The following PTPRO variants were observed in gnomAD, a reference collection of about 807,000 sequenced individuals.
PTPRO encodes the protein protein tyrosine phosphatase receptor type O.
A neutral mutation model predicts 145.2 loss-of-function variants in PTPRO; 62 were observed. The observed-to-expected ratio is 0.43, with a 90% CI of 0.35 to 0.53. The LOEUF is 0.53. PTPRO is among the 20% of genes least tolerant of loss of function. The pLI is 0.01. For missense variants in PTPRO, 1,345 were observed against 1,482.7 expected, an observed-to-expected ratio of 0.91 and a Z score of 1.53; for synonymous variants, 565 against 514.7, an observed-to-expected ratio of 1.10 and a Z score of -1.32.
intron 1 of PTPRO, among the ~76,000 whole-genome samples, chr12:15,451,715 T>C (rs147716721): frequency 1.3e-5 from 2 of 152,248 alleles, no homozygotes; most frequent in East Asian, 1.9e-4. Flanking sequence ...TGCAAATACA[T>C]AGAAATTAAA....
chr12:15,395,407 A>G (rs1228012739), intron 1 of PTPRO, among the ~76,000 whole-genome samples: 1 of 152,098 alleles, frequency 6.6e-6, no homozygotes, highest in East Asian at 1.9e-4. Flanking sequence ...GGATGGTATT[A>G]ATATGTCTTA....
At chr12:15,363,124 GA>G (rs1298324752) in intron 1 of PTPRO, among the ~76,000 whole-genome samples, 2 of 152,110 alleles carry the variant, frequency 1.3e-5, no homozygotes, top group African/African-American at 4.8e-5. Flanking sequence ...GTCTAGGGAG[GA>G]AAATTGGCAC....
At chr12:15,358,553 C>G (rs968065215) in intron 1 of PTPRO, among the ~76,000 whole-genome samples, 1 of 152,162 alleles carries the variant, frequency 6.6e-6, no homozygotes, top group Non-Finnish European at 1.5e-5. Flanking sequence ...AGACAGCCAG[C>G]TCTGTTCAGT....
chr12:15,579,666 T>G (rs2135641626), intron 20 of PTPRO, among the ~76,000 whole-genome samples: 1 of 152,350 alleles, frequency 6.6e-6, no homozygotes, highest in East Asian at 1.9e-4. Flanking sequence ...TAGGTCTCCT[T>G]AAAGTAGTGA....
At chr12:15,555,609 G>A (rs563953910) in intron 15 of PTPRO, among the ~76,000 whole-genome samples, 1 of 152,298 alleles carries the variant, frequency 6.6e-6, no homozygotes, top group East Asian at 1.9e-4. Context: ...TGGAGGAGGT[G>A]GTAATAGATG....
At chr12:15,487,418 A>C (rs958713363) in intron 2 of PTPRO, among the ~76,000 whole-genome samples, 1 of 152,126 alleles carries the variant, frequency 6.6e-6, no homozygotes, top group African/African-American at 2.4e-5. Context: ...CCTTCAAAAG[A>C]AGGGATATTT....
intron 1 of PTPRO, among the ~76,000 whole-genome samples, chr12:15,352,676 A>G (rs1215299668): frequency 1.3e-5 from 2 of 151,292 alleles, no homozygotes. Flanking sequence ...AAAGAAAGAA[A>G]GAAAGAAATG....
At chr12:15,470,993 T>C (rs1229749406) in intron 1 of PTPRO, among the ~76,000 whole-genome samples, 1 of 152,220 alleles carries the variant, frequency 6.6e-6, no homozygotes, top group African/African-American at 2.4e-5. Context: ...TAACATTCCA[T>C]CATTTGTATC....
intron 19 of PTPRO, among the ~76,000 whole-genome samples, chr12:15,578,387 T>A (rs2135637501): frequency 6.6e-6 from 1 of 152,364 alleles, no homozygotes; most frequent in Middle Eastern, 3.4e-3. Flanking sequence ...CACTAAGTTA[T>A]CCAAGGTATT....
At chr12:15,558,033 C>G (rs1329156516) in intron 16 of PTPRO, among the ~76,000 whole-genome samples, 4 of 152,090 alleles carry the variant, frequency 2.6e-5, no homozygotes, top group African/African-American at 9.7e-5. Flanking sequence ...CTCCTGGGCT[C>G]AAGTAATCTT....
chr12:15,477,461 C>T (rs2136427709), intron 1 of PTPRO, among the ~76,000 whole-genome samples: 1 of 151,566 alleles, frequency 6.6e-6, no homozygotes, highest in African/African-American at 2.4e-5. Context: ...TGTAACTAAC[C>T]TGCACAATGT....
intron 1 of PTPRO, among the ~76,000 whole-genome samples, chr12:15,368,398 C>G (rs549872550): frequency 3.1e-4 from 47 of 152,190 alleles, no homozygotes; most frequent in African/African-American, 1.0e-3. Flanking sequence ...ACTTCTAGCA[C>G]CATTCCTGTA....
intron 1 of PTPRO, among the ~76,000 whole-genome samples, chr12:15,374,537 G>A (rs192112770): frequency 4.1e-4 from 63 of 152,148 alleles, no homozygotes; most frequent in Non-Finnish European, 2.5e-4. Context: ...CACTGGAGGG[G>A]GCAGTCCAAT....
At chr12:15,484,817 T>A (rs1245854637) in intron 2 of PTPRO, among the ~76,000 whole-genome samples, 1 of 152,190 alleles carries the variant, frequency 6.6e-6, no homozygotes, top group Non-Finnish European at 1.5e-5. Flanking sequence ...GTCCATGTCA[T>A]AAAGAGTTAA....
chr12:15,435,702 T>C (rs558014853), intron 1 of PTPRO, among the ~76,000 whole-genome samples: 5 of 152,280 alleles, frequency 3.3e-5, no homozygotes, highest in African/African-American at 1.2e-4. Flanking sequence ...TGTTGGTCCA[T>C]AGTAACCAGT....
intron 1 of PTPRO, among the ~76,000 whole-genome samples, chr12:15,431,394 ATT>A (rs1397504114): frequency 6.6e-6 from 1 of 152,186 alleles, no homozygotes; most frequent in East Asian, 1.9e-4. Context: ...CCATATAATT[ATT>A]TATCTTCCTT....
At chr12:15,505,393 A>G (rs1942301426) in intron 6 of PTPRO, among the ~76,000 whole-genome samples, 2 of 152,208 alleles carry the variant, frequency 1.3e-5, no homozygotes, top group Non-Finnish European at 2.9e-5. Context: ...ACATTCAAGA[A>G]ATATTTATGG....
chr12:15,336,572 T>C (rs1866769686), intron 1 of PTPRO, among the ~76,000 whole-genome samples: 1 of 152,198 alleles, frequency 6.6e-6, no homozygotes, highest in African/African-American at 2.4e-5. Flanking sequence ...TTCCATTTTT[T>C]CACAACTAAA....
chr12:15,357,892 A>G (rs1938047139), intron 1 of PTPRO, among the ~76,000 whole-genome samples: 2 of 150,020 alleles, frequency 1.3e-5, no homozygotes, highest in Admixed American at 1.3e-4. Context: ...CTGGGTATAT[A>G]CCCAAAGGAC....
Sources: allele counts gnomAD v4.1 joint callset (sites outside exome capture counted in the v4.1 genomes callset), GRCh38; gene constraint gnomAD v4.1.1; transcripts MANE v1.5; gene names NCBI Gene and HGNC (gene_info 2026-07-23, HGNC 2026-07-21).